CTNNAL1: variants seen among roughly 807,000 people sequenced by gnomAD.
CTNNAL1 encodes the protein catenin alpha like 1, also known as alpha-catulin.
CTNNAL1 carries 69 observed loss-of-function variants against 93.6 expected under a neutral mutation model. The observed-to-expected ratio is 0.74, with a 90% CI of 0.61 to 0.90. CTNNAL1 has a LOEUF of 0.90. CTNNAL1 is among the 40% of genes least tolerant of loss of function. The pLI, the probability that CTNNAL1 is intolerant of heterozygous loss-of-function variation, is 0.00. For missense variants in CTNNAL1, 836 were observed against 862.0 expected (o/e 0.97, Z 0.38); for synonymous variants, 286 against 305.4 (o/e 0.94, Z 0.66).
At chr9:109,008,033 T>C (rs531638752) in intron 1 of CTNNAL1, among the ~76,000 whole-genome samples, 1 of 152,284 alleles carries the variant, frequency 6.6e-6, no homozygotes, top group East Asian at 1.9e-4. Flanking sequence ...TGACAGAGTA[T>C]ATCATTATAT....
rs770260017 is a variant in CTNNAL1 at position 108,990,702 on chromosome 9, T to C, written c.639+24A>G. ...TAAAAAGTATGTATTTATCTGAAGA[T>C]TGTAAAATGTGATGAATACATACAT... is the stretch of plus-strand genomic sequence containing the variant. On this transcript the variant is annotated intron_variant, in intron 4 of 18. Coordinates refer to ENST00000325551, the MANE Select transcript of CTNNAL1 (RefSeq NM_003798.4). The C allele has an allele frequency of 4.7e-5, 76 of 1,603,392 alleles. No homozygotes were observed. The East Asian group carries it at 1.4e-3, about 29-fold the overall frequency.
intron 15 of CTNNAL1, among the ~76,000 whole-genome samples, chr9:108,945,463 C>CT (rs578073650): frequency 0.014 from 1,830 of 135,424 alleles, 28 homozygotes; most frequent in African/African-American, 0.036. Flanking sequence ...GGTTTTCTTC[C>CT]TTTTTTTTTT....
At position 108,943,035 on chromosome 9, in the gene CTNNAL1, A is replaced by C; in HGVS notation, c.2065T>G (p.Cys689Gly). ...ATCATGGATCTTGTCTTCGTAATAC[A>C]CTTGTCAACCTACAATGACAAAAAG... is the stretch of plus-strand genomic sequence containing the variant. The part of the protein sequence containing the change: ...QNKVFLKVDK[C>G]ITKTRSMMAL... Residue 689 changes from cysteine to glycine, a missense_variant, in exon 18 of 19, where the codon TGT becomes GGT. Coordinates refer to ENST00000325551, the MANE Select transcript of CTNNAL1 (RefSeq NM_003798.4). The C allele has an allele frequency of 1.2e-6, 2 of 1,610,692 alleles. No individual in the cohort carries two copies. The highest frequency in any genetic ancestry group is 1.7e-6 in the Non-Finnish European group (2 of 1,179,104).
chr9:108,994,243 G>A (rs1192390160), intron 2 of CTNNAL1, among the ~76,000 whole-genome samples: 10 of 151,248 alleles, frequency 6.6e-5, no homozygotes, highest in Admixed American at 5.9e-4. Flanking sequence ...AAAAAAAAAA[G>A]AAAGATCAGT....
At position 109,004,894 on chromosome 9, in the gene CTNNAL1, A is replaced by C; in HGVS notation, c.142-5638T>G. ...GTTTATTGTAAGTGTTCAAAGACATACTATAATTAGCTATCTTACTTAATC... is the reference window on the plus strand; with the variant it reads ...GTTTATTGTAAGTGTTCAAAGACATCCTATAATTAGCTATCTTACTTAATC... On this transcript the variant is annotated intron_variant, in intron 1 of 18. Coordinates refer to ENST00000325551, the MANE Select transcript of CTNNAL1 (RefSeq NM_003798.4). Among the ~76,000 whole-genome samples the C allele has an allele frequency of 1.3e-5, 2 of 152,196 alleles. 1 individual carries two copies. The highest frequency in any genetic ancestry group is 3.8e-4 in the East Asian group (2 of 5,204).
chr9:109,012,941 C>T (rs1287775143), intron 1 of CTNNAL1, among the ~76,000 whole-genome samples: 1 of 152,174 alleles, frequency 6.6e-6, no homozygotes, highest in Non-Finnish European at 1.5e-5. Context: ...GTCCTCTCTG[C>T]CTCGGGAGCT....
At chr9:109,008,918 C>A (rs187900984) in intron 1 of CTNNAL1, among the ~76,000 whole-genome samples, 1 of 101,636 alleles carries the variant, frequency 9.8e-6, no homozygotes, top group Admixed American at 1.5e-4. Context: ...GACAGGGTCT[C>A]ATTCTGTCAC....
chr9:108,960,199 T>C (rs1235513468), intron 11 of CTNNAL1, among the ~76,000 whole-genome samples: 1 of 152,122 alleles, frequency 6.6e-6, no homozygotes, highest in Non-Finnish European at 1.5e-5. Flanking sequence ...AGGAATGAGG[T>C]ATTCTAATCT....
rs780608420 is a variant in CTNNAL1 at position 108,990,732 on chromosome 9, T to C, written c.633A>G (p.Arg211=). Residue 211 remains arginine, a synonymous_variant, in exon 4 of 19, where the codon AGA becomes AGG. Transcript: ENST00000325551. ...AAATGTGATGAATACATACATTTTG[T>C]CTATCTCCACTCAGATGTGCAAACT... ...MVEFAHLSGD[R]QNDLKDEKKK... The C allele has an allele frequency of 6.2e-6, 10 of 1,611,318 alleles. No homozygotes were observed. The highest frequency in any genetic ancestry group is 7.6e-6 in the Non-Finnish European group (9 of 1,179,228).
intron 1 of CTNNAL1, among the ~76,000 whole-genome samples, chr9:109,011,459 T>C (rs189619407): frequency 6.6e-6 from 1 of 152,332 alleles, no homozygotes; most frequent in East Asian, 1.9e-4. Flanking sequence ...TCTGCTCTCC[T>C]ACCCTTCTCT....
rs192684778 is a variant in CTNNAL1 at position 108,942,943 on chromosome 9, A to C, written c.2139+18T>G. The C allele has an allele frequency of 1.9e-6, 3 of 1,610,944 alleles. No homozygotes were observed. Among genetic ancestry groups the C allele is most frequent in the African/African-American group, 2.7e-5 (2 of 74,654 alleles). On this transcript the variant is annotated intron_variant, in intron 18 of 18. Coordinates refer to ENST00000325551, the MANE Select transcript of CTNNAL1 (RefSeq NM_003798.4). The stretch of plus-strand genomic sequence containing the variant: ...CCATTTTTTAAAGTATGAGTCTAAA[A>C]TAGAAAAACTACCTCACCTTCTTCA...
At chr9:109,004,889 G>C (rs184736125) in intron 1 of CTNNAL1, among the ~76,000 whole-genome samples, 1 of 152,174 alleles carries the variant, frequency 6.6e-6, no homozygotes, top group African/African-American at 2.4e-5. Context: ...AGTGTTCAAA[G>C]ACATACTATA....
chr9:108,946,534 A>C (rs1296992469), intron 15 of CTNNAL1, among the ~76,000 whole-genome samples: 3 of 152,176 alleles, frequency 2.0e-5, no homozygotes, highest in Admixed American at 6.5e-5. Context: ...GGCTCCTTAG[A>C]GAGGTCTTTT....
At chr9:108,960,857 A>G (rs989865510) in intron 11 of CTNNAL1, among the ~76,000 whole-genome samples, 1 of 152,212 alleles carries the variant, frequency 6.6e-6, no homozygotes, top group Non-Finnish European at 1.5e-5. Context: ...GGTTTGGGTG[A>G]GAAGGCAGAA....
At chr9:108,996,575 G>A (rs1053056678) in intron 2 of CTNNAL1, among the ~76,000 whole-genome samples, 3 of 152,042 alleles carry the variant, frequency 2.0e-5, no homozygotes, top group African/African-American at 4.8e-5. Flanking sequence ...AGTGTACCAC[G>A]TCCTCCTCTC....
chr9:108,991,344 T>C (rs895884622), intron 3 of CTNNAL1, among the ~76,000 whole-genome samples: 5 of 152,002 alleles, frequency 3.3e-5, no homozygotes, highest in African/African-American at 9.6e-5. Flanking sequence ...ACTTTAAGGG[T>C]GGGAAAATTA....
intron 10 of CTNNAL1, among the ~76,000 whole-genome samples, chr9:108,968,441 A>C (rs1283239506): frequency 6.6e-6 from 1 of 152,188 alleles, no homozygotes; most frequent in Non-Finnish European, 1.5e-5. Flanking sequence ...CAATAAACCA[A>C]AAATTGCAAC....
In CTNNAL1 at chr9:108,979,422, C is replaced by T; in HGVS notation, c.960G>A (p.Val320=). The T allele has an allele frequency of 1.9e-6, 3 of 1,614,054 alleles. No homozygotes were observed. The highest frequency in any genetic ancestry group is 2.5e-6 in the Non-Finnish European group (3 of 1,180,008). ...TACGCTCCAAGATGACTTCCAATGT[C>T]ACAGAAAGGTTCTCTTTGGACTGAA... The part of the protein sequence containing the change: ...LYFQSKENLS[V]TLEVILERME... The change falls in exon 7 of 19, where the codon GTG becomes GTA. Residue 320 remains valine (V), a synonymous_variant. Transcript: ENST00000325551.
chr9:108,969,255 G>A (rs947107248), intron 10 of CTNNAL1, among the ~76,000 whole-genome samples: 71 of 150,268 alleles, frequency 4.7e-4, no homozygotes, highest in African/African-American at 1.7e-3. Flanking sequence ...GGGCGACAGA[G>A]CTAGACTCCG....
Sources: gnomAD v4.1 joint callset for allele counts (sites outside exome capture counted in the v4.1 genomes callset) on GRCh38, gnomAD v4.1.1 for gene constraint, MANE v1.5 for transcripts, NCBI Gene and HGNC (gene_info 2026-07-23, HGNC 2026-07-21) for gene names.